The following CCSER2 variants were observed in gnomAD, a reference collection of about 807,000 sequenced individuals.
CCSER2 encodes coiled-coil serine rich protein 2, also known as serine-rich coiled-coil domain-containing protein 2.
In CCSER2, 46 loss-of-function variants were observed where a neutral mutation model predicts 92.3. That is an observed-to-expected ratio of 0.50 (90% CI 0.39 to 0.64). CCSER2 has a LOEUF of 0.64. Ranked by LOEUF, CCSER2 falls within the 30% of genes least tolerant of loss-of-function variation. The pLI is 0.00. For synonymous variants in CCSER2, 433 were observed against 431.4 expected (o/e 1.00, Z -0.04); for missense variants, 1,244 against 1,238.9 (o/e 1.00, Z -0.06).
chr10:84,476,054 T>C (rs1403712877), intron 8 of CCSER2, among the ~76,000 whole-genome samples: 3 of 152,260 alleles, frequency 2.0e-5, no homozygotes, highest in Non-Finnish European at 4.4e-5. Context: ...CAGGCTGGTC[T>C]GGAACCCCTG....
At chr10:84,340,774 T>C (rs1309111799) in intron 1 of CCSER2, among the ~76,000 whole-genome samples, 1 of 152,142 alleles carries the variant, frequency 6.6e-6, no homozygotes, top group Non-Finnish European at 1.5e-5. Flanking sequence ...GTTATTTAGG[T>C]TTCTCTGTAG....
chr10:84,363,860 ATTG>A (rs1408128593), intron 1 of CCSER2, among the ~76,000 whole-genome samples: 2 of 152,198 alleles, frequency 1.3e-5, no homozygotes, highest in Non-Finnish European at 2.9e-5. Context: ...TCCTTAGGCC[ATTG>A]TTGTTCTGTG....
At chr10:84,503,738 A>G (rs932471771) in intron 9 of CCSER2, among the ~76,000 whole-genome samples, 2 of 152,316 alleles carry the variant, frequency 1.3e-5, no homozygotes, top group Non-Finnish European at 2.9e-5. Context: ...AATCCTATTT[A>G]TTTTTACCTT....
chr10:84,446,432 T>A (rs1844920010), intron 6 of CCSER2, among the ~76,000 whole-genome samples: 1 of 152,100 alleles, frequency 6.6e-6, no homozygotes, highest in African/African-American at 2.4e-5. Context: ...GTGGGTGTAG[T>A]GGCAGTGGTA....
chr10:84,396,990 G>A (rs1200061110), intron 3 of CCSER2, among the ~76,000 whole-genome samples: 1 of 152,208 alleles, frequency 6.6e-6, no homozygotes, highest in Non-Finnish European at 1.5e-5. Context: ...GTATAGAGCA[G>A]TATTATTTTT....
chr10:84,464,326 G>A (rs989260370), intron 7 of CCSER2, among the ~76,000 whole-genome samples: 1 of 152,004 alleles, frequency 6.6e-6, no homozygotes, highest in East Asian at 1.9e-4. Flanking sequence ...GGTTATAGGT[G>A]CTTCTCATAT....
At chr10:84,407,440 C>T (rs971802338) in intron 3 of CCSER2, among the ~76,000 whole-genome samples, 45 of 152,090 alleles carry the variant, frequency 3.0e-4, no homozygotes, top group African/African-American at 1.1e-3. Context: ...AAGCATCATA[C>T]ATTTGTTTCT....
At chr10:84,350,696 T>G (rs1844813679) in intron 1 of CCSER2, among the ~76,000 whole-genome samples, 1 of 152,202 alleles carries the variant, frequency 6.6e-6, no homozygotes, top group African/African-American at 2.4e-5. Flanking sequence ...AAAGTTTTAG[T>G]TTTTGGGCTG....
chr10:84,333,839 A>G (rs1371412401), intron 1 of CCSER2, among the ~76,000 whole-genome samples: 1 of 152,236 alleles, frequency 6.6e-6, no homozygotes, highest in Non-Finnish European at 1.5e-5. Context: ...ATGTGCTCAC[A>G]GCACTTTGTT....
rs183941307 is a variant in CCSER2 at position 84,514,067 on chromosome 10, C to T, written c.2944C>T (p.Arg982Cys). 1.3e-3 allele frequency: 1,941 copies of T among 1,536,312 alleles called. 2 individuals carry two copies. Among genetic ancestry groups the T allele is most frequent in the Admixed American group, 2.3e-3 (117 of 50,992 alleles). ...TCAGAATCTGAAAGCATCTAAGCTC[C>T]GCCCCCCCTCAGGCTCTTTCAAACA... ...NNQNLKASKL[R>C]PPSGSFKQKQ... The change falls in exon 10 of 10, where the codon CGC becomes TGC. Residue 982 changes from arginine (R) to cysteine (C), a missense_variant. Transcript: ENST00000372088.
intron 1 of CCSER2, among the ~76,000 whole-genome samples, chr10:84,330,126 T>G (rs935534045): frequency 6.6e-6 from 1 of 152,214 alleles, no homozygotes. Flanking sequence ...CTTTGACTAT[T>G]TTGGAGGAAG....
chr10:84,501,116 ATCTCCCACCACCTTGGTAACTCCTCCT>A (rs1031551296), intron 9 of CCSER2, among the ~76,000 whole-genome samples: 33 of 152,148 alleles, frequency 2.2e-4, no homozygotes, highest in African/African-American at 4.6e-4. Context: ...CTCCTTTTCT[ATCTCCCACCACCTTGGTAACTCCTCCT>A]TCTCCCACCA....
intron 1 of CCSER2, among the ~76,000 whole-genome samples, chr10:84,330,021 T>C (rs1439105610): frequency 1.3e-5 from 2 of 152,238 alleles, no homozygotes; most frequent in Non-Finnish European, 2.9e-5. Flanking sequence ...CTAGAAGCCA[T>C]CCTGAAAGCA....
At position 84,468,860 on chromosome 10, in the gene CCSER2, A is replaced by AT. The variant is rs535528298; in HGVS notation, c.2149-1509dup. 2.6e-3 allele frequency among the ~76,000 whole-genome samples: 401 copies of AT among 152,238 alleles called. 1 individual carries two copies. Among genetic ancestry groups the AT allele is most frequent in the African/African-American group, 9.3e-3 (385 of 41,554 alleles). On this transcript the variant is annotated intron_variant, in intron 7 of 9. Transcript: ENST00000372088. Reference sequence around the variant, plus strand: ...ATGGCTCTTAAACATACAGATGTATATTTGTCCAAAAAGGTTAACTGCTAT... The same window carrying AT: ...ATGGCTCTTAAACATACAGATGTATATTTTGTCCAAAAAGGTTAACTGCTAT...
chr10:84,450,849 G>A (rs80335259), intron 6 of CCSER2, among the ~76,000 whole-genome samples: 1 of 152,038 alleles, frequency 6.6e-6, no homozygotes, highest in African/African-American at 2.4e-5. Context: ...TGTTGCAAAG[G>A]GTAACAAATT....
At chr10:84,430,112 G>A (rs1260112840) in intron 5 of CCSER2, among the ~76,000 whole-genome samples, 3 of 152,030 alleles carry the variant, frequency 2.0e-5, no homozygotes. Flanking sequence ...CCACCAGGGG[G>A]CTCTGTGTGT....
At chr10:84,453,595 C>G (rs1273904297) in intron 6 of CCSER2, among the ~76,000 whole-genome samples, 5 of 152,130 alleles carry the variant, frequency 3.3e-5, no homozygotes, top group African/African-American at 1.2e-4. Flanking sequence ...TCTATTATAT[C>G]AGGCTTGTTA....
rs1846342983 is a variant in CCSER2 at position 84,465,297 on chromosome 10, G to T, written c.2148+1281G>T. The stretch of plus-strand genomic sequence containing the variant: ...TGTGTGTGTGTGTGTGTGTGAAAAA[G>T]TTTTTTACATGTAAAGATTTTTTTT... On this transcript the variant is annotated intron_variant, in intron 7 of 9. Coordinates refer to ENST00000372088, the MANE Select transcript of CCSER2 (RefSeq NM_001284240.2). Among the ~76,000 whole-genome samples the T allele has an allele frequency of 1.3e-4, 13 of 100,472 alleles. 2 individuals carry two copies. The highest frequency in any genetic ancestry group is 7.6e-4 in the South Asian group (2 of 2,626). 65.9% of individuals were successfully genotyped at this position (100,472 alleles called of 152,430 possible). A position where few individuals can be genotyped will look rare whatever the true frequency, so the allele number is the denominator to read the frequency against.
At chr10:84,369,806 C>A (rs1289516444) in intron 1 of CCSER2, among the ~76,000 whole-genome samples, 1 of 152,070 alleles carries the variant, frequency 6.6e-6, no homozygotes, top group Non-Finnish European at 1.5e-5. Context: ...AGTCTTAAAT[C>A]CATCTTGGTT....
Sources: allele counts gnomAD v4.1 joint callset (sites outside exome capture counted in the v4.1 genomes callset), GRCh38; gene constraint gnomAD v4.1.1; transcripts MANE v1.5; gene names NCBI Gene and HGNC (gene_info 2026-07-23, HGNC 2026-07-21).